TRIM22: variants seen among roughly 807,000 people sequenced by gnomAD.
TRIM22 encodes the protein tripartite motif containing 22.
A neutral mutation model predicts 53.6 loss-of-function variants in TRIM22; 45 were observed. That is an observed-to-expected ratio of 0.84 (90% CI 0.66 to 1.08). TRIM22 has a LOEUF of 1.08. TRIM22 is among the 50% of genes least tolerant of loss of function. The probability of loss-of-function intolerance (pLI) is 0.00; values close to 1 mark genes in which losing one functional copy is unlikely to be tolerated. For synonymous variants in TRIM22, 225 were observed against 216.6 expected (o/e 1.04, Z -0.34); for missense variants, 616 against 590.9 (o/e 1.04, Z -0.44).
At chr11:5,705,639 G>A (rs977519413) in intron 4 of TRIM22, among the ~76,000 whole-genome samples, 2 of 151,888 alleles carry the variant, frequency 1.3e-5, no homozygotes, top group African/African-American at 4.8e-5. Flanking sequence ...GTACATACTT[G>A]TTCAAAAAAA....
chr11:5,698,841 A>G (rs549012145), intron 4 of TRIM22, among the ~76,000 whole-genome samples: 1 of 152,282 alleles, frequency 6.6e-6, no homozygotes, highest in African/African-American at 2.4e-5. Flanking sequence ...CATCACATCA[A>G]AAACATTTCT....
At chr11:5,708,511 AAG>A in intron 6 of TRIM22, 64 bp from the exon 7 acceptor site, 1 of 1,471,684 alleles carries the variant, frequency 6.8e-7, no homozygotes, top group Non-Finnish European at 9.3e-7. Flanking sequence ...TACTCTGGAG[AAG>A]AGACAGGTGT....
intron 1 of TRIM22, among the ~76,000 whole-genome samples, chr11:5,695,583 G>A (rs1200464562): frequency 6.7e-6 from 1 of 149,732 alleles, no homozygotes; most frequent in Non-Finnish European, 1.5e-5. Context: ...TTTTTCAGGT[G>A]ATAAAAATAA....
At chr11:5,697,397 T>A in intron 3 of TRIM22, 54 bp downstream of exon 3, 16 of 1,372,590 alleles carry the variant, frequency 1.2e-5, no homozygotes, top group Non-Finnish European at 1.6e-5. Flanking sequence ...GGCAGGACCC[T>A]GGGCTCTATC....
intron 4 of TRIM22, among the ~76,000 whole-genome samples, chr11:5,705,443 A>G (rs891016110): frequency 1.3e-5 from 2 of 152,212 alleles, no homozygotes; most frequent in Non-Finnish European, 2.9e-5. Context: ...GTAAAATTAT[A>G]CTTGACCCCT....
chr11:5,696,785 T>C (rs1477214200), intron 2 of TRIM22, 130 bp downstream of exon 2: 18 of 985,292 alleles, frequency 1.8e-5, no homozygotes, highest in Non-Finnish European at 2.3e-5. Flanking sequence ...TCTCTTTCCA[T>C]ACTCTTTGCT....
At position 5,698,348 on chromosome 11, in the gene TRIM22, A is replaced by C. The variant is rs201531661; in HGVS notation, c.553A>C (p.Lys185Gln). The C allele has an allele frequency of 6.7e-5, 108 of 1,614,072 alleles. No individual in the cohort carries two copies. Among genetic ancestry groups the C allele is most frequent in the Non-Finnish European group, 8.6e-5 (101 of 1,180,012 alleles). The change falls in exon 4 of 8, where the codon AAA becomes CAA. Residue 185 changes from lysine to glutamine, a missense_variant. By Grantham distance (53) the Lys-to-Gln change is moderately conservative. Coordinates refer to ENST00000379965, the MANE Select transcript of TRIM22 (RefSeq NM_006074.5). ...YIQIERQKIL[K>Q]GFNEMRVILD... ...CCAGATCGAGAGACAGAAGATTCTG[A>C]AAGGGTTCAATGAAATGAGAGTCAT...
intron 5 of TRIM22, 117 bp downstream of exon 5, chr11:5,706,733 T>C: frequency 9.1e-7 from 1 of 1,097,736 alleles, no homozygotes; most frequent in African/African-American, 1.6e-5. Flanking sequence ...AATTTGTGTA[T>C]TAAATTGTCC....
At chr11:5,708,932 G>A in intron 7 of TRIM22, 121 bp from the exon 8 acceptor site, 1 of 797,210 alleles carries the variant, frequency 1.3e-6, no homozygotes, top group East Asian at 2.6e-5. Context: ...ACTAACCTCT[G>A]ACTATCAACA....
intron 3 of TRIM22, chr11:5,697,699 T>TTTTGTTTG (rs71053297): frequency 1.1e-4 from 21 of 188,454 alleles, no homozygotes; most frequent in Non-Finnish European, 7.7e-5. Context: ...AGGGGGATTT[T>TTTTGTTTG]TTTGTTTGTT....
Position 5,709,549 on chromosome 11 carries a change from C to T in TRIM22, c.1398C>T (p.Ile466=). The T allele has an allele frequency of 1.9e-6, 3 of 1,614,170 alleles. No individual in the cohort carries two copies. The highest frequency in any genetic ancestry group is 2.5e-6 in the Non-Finnish European group (3 of 1,180,040). The change falls in exon 8 of 8, where the codon ATC becomes ATT. Residue 466 remains isoleucine, a synonymous_variant. Transcript: ENST00000379965. ...ATGTCACAAACCACGGAGCACTCATCTACAAGTTCTCTGGATGTCGCTTTT... is the reference window on the plus strand; with the variant it reads ...ATGTCACAAACCACGGAGCACTCATTTACAAGTTCTCTGGATGTCGCTTTT... The part of the protein sequence containing the change: ...FFNVTNHGAL[I]YKFSGCRFSR...
Position 5,699,300 on chromosome 11 carries a change from G to A in TRIM22, c.750+755G>A, listed in dbSNP as rs1290047077. Among the ~76,000 whole-genome samples, 3 of 147,990 alleles carry A rather than the reference G, an allele frequency of 2.0e-5. 1 individual carries two copies. The highest frequency in any genetic ancestry group is 1.9e-4 in the East Asian group (1 of 5,176). On this transcript the variant is annotated intron_variant, in intron 4 of 7. Transcript: ENST00000379965. ...AGCACTTTGGGAGGCCGAGGCGGGT[G>A]GATCATGAGGTCAGGAGATCGAGAC...
In TRIM22 at chr11:5,709,470, C is replaced by T; in HGVS notation, c.1319C>T (p.Pro440Leu). The T allele has an allele frequency of 6.2e-7, 1 of 1,614,146 alleles. No homozygotes were observed. The highest frequency in any genetic ancestry group is 8.5e-7 in the Non-Finnish European group (1 of 1,180,034). Reference protein sequence around the residue: ...KVLTLFMAVPPCRIGVFLDYE... With the variant: ...KVLTLFMAVPLCRIGVFLDYE... The stretch of plus-strand genomic sequence containing the variant: ...TTGACTCTCTTTATGGCTGTGCCTC[C>T]CTGTCGTATTGGGGTTTTCCTAGAC... Residue 440 changes from proline to leucine, a missense_variant, in exon 8 of 8, where the codon CCC (proline) becomes CTC (leucine). Physicochemically the swap from Pro to Leu is moderately conservative, Grantham distance 98 (BLOSUM62 -3). Transcript: ENST00000379965.
At position 5,708,323 on chromosome 11, in the gene TRIM22, G is replaced by A. The variant is rs541370585; in HGVS notation, c.874+50G>A. The A allele has an allele frequency of 2.0e-5, 31 of 1,534,790 alleles. 2 individuals carry two copies. The South Asian group carries it at 3.0e-4, about 15-fold the overall frequency. On this transcript the variant is annotated intron_variant, in intron 6 of 7. Transcript: ENST00000379965. Reference sequence around the variant, plus strand: ...TGAATGTGGATTTCTTAGTATCAGGGCTCAATAGGGAAGCGGGAGGTTTTT... The same window carrying A: ...TGAATGTGGATTTCTTAGTATCAGGACTCAATAGGGAAGCGGGAGGTTTTT...
Position 5,698,605 on chromosome 11 carries a change from T to C in TRIM22, c.750+60T>C, listed in dbSNP as rs2291844. On this transcript the variant is annotated intron_variant, in intron 4 of 7. Transcript: ENST00000379965. ...TAGGGGAAAAACACAGAGGCCGATT[T>C]TCCTTCCCTTCCCAGTCTCTAGGCT... is the stretch of plus-strand genomic sequence containing the variant. 0.41 allele frequency: 557,447 copies of C among 1,358,996 alleles called. 118,846 individuals are homozygous for C. Among genetic ancestry groups the C allele is most frequent in the East Asian group, 0.66 (26,734 of 40,402 alleles). 84.2% of individuals were successfully genotyped at this position (1,358,996 alleles called of 1,614,324 possible). A position where few individuals can be genotyped will look rare whatever the true frequency, so the allele number is the denominator to read the frequency against.
chr11:5,700,496 G>A (rs1456014661), intron 4 of TRIM22, among the ~76,000 whole-genome samples: 1 of 151,436 alleles, frequency 6.6e-6, no homozygotes, highest in Non-Finnish European at 1.5e-5. Context: ...AACAGGGATG[G>A]TGAGAGGGGA....
At position 5,709,278 on chromosome 11, in the gene TRIM22, G is replaced by A. The variant is rs1853517763; in HGVS notation, c.1127G>A (p.Ser376Asn). The change falls in exon 8 of 8, where the codon AGT becomes AAT. Residue 376 changes from serine to asparagine, a missense_variant. Coordinates refer to ENST00000379965, the MANE Select transcript of TRIM22 (RefSeq NM_006074.5). Reference protein sequence around the residue: ...AWILGVHSKISSLNKRKSSGF... With the variant: ...AWILGVHSKINSLNKRKSSGF... ...ATCCTGGGCGTACACAGTAAAATAAGTAGTCTGAATAAAAGGAAGAGCTCT... is the reference window on the plus strand; with the variant it reads ...ATCCTGGGCGTACACAGTAAAATAAATAGTCTGAATAAAAGGAAGAGCTCT... The A allele has an allele frequency of 6.2e-7, 1 of 1,614,088 alleles. No homozygotes were observed. Among genetic ancestry groups the A allele is most frequent in the South Asian group, 1.1e-5 (1 of 91,080 alleles).
In TRIM22 at chr11:5,696,464, G is replaced by A. The variant is rs747517613; in HGVS notation, c.232G>A (p.Val78Ile). Residue 78 changes from valine to isoleucine, a missense_variant, in exon 2 of 8, where the codon GTT (valine) becomes ATT (isoleucine). Physicochemically the swap from Val to Ile is conservative, Grantham distance 29. Transcript: ENST00000379965. Reference protein sequence around the residue: ...LRPNRHLANIVERVKEVKMSP... With the variant: ...LRPNRHLANIIERVKEVKMSP... ...ACCTAATCGGCATCTGGCCAACATA[G>A]TTGAGAGAGTCAAAGAGGTCAAGAT... The A allele has an allele frequency of 9.3e-6, 15 of 1,614,128 alleles. No individual in the cohort carries two copies. The highest frequency in any genetic ancestry group is 2.2e-5 in the South Asian group (2 of 91,090).
chr11:5,704,177 C>T (rs758109626), intron 4 of TRIM22, among the ~76,000 whole-genome samples: 5 of 152,138 alleles, frequency 3.3e-5, no homozygotes, highest in Non-Finnish European at 7.4e-5. Context: ...TTCTACCAAA[C>T]CAAATATAGT....
Sources: allele counts gnomAD v4.1 joint callset (sites outside exome capture counted in the v4.1 genomes callset), GRCh38; gene constraint gnomAD v4.1.1; transcripts MANE v1.5; gene names NCBI Gene and HGNC (gene_info 2026-07-23, HGNC 2026-07-21).